The following GSE1 variants were observed in gnomAD, a reference collection of about 807,000 sequenced individuals.
GSE1 encodes the protein Gse1 coiled-coil protein.
GSE1 carries 32 observed loss-of-function variants against 112.6 expected under a neutral mutation model. That is an observed-to-expected ratio of 0.28 (90% CI 0.21 to 0.38). GSE1 has a LOEUF of 0.38. Ranked by LOEUF, GSE1 falls within the 10% of genes least tolerant of loss-of-function variation. GSE1 has a pLI of 1.00. For synonymous variants in GSE1, 1,115 were observed against 735.6 expected (o/e 1.52, Z -8.35); for missense variants, 2,348 against 1,699.2 (o/e 1.38, Z -6.71).
chr16:85,247,842 G>A (rs1308899088), intron 1 of GSE1, among the ~76,000 whole-genome samples: 1 of 152,224 alleles, frequency 6.6e-6, no homozygotes, highest in African/African-American at 2.4e-5. Context: ...CCTGAGCCCC[G>A]TTCTGAACAG....
At chr16:85,365,737 C>G (rs2047172594) in intron 2 of GSE1, among the ~76,000 whole-genome samples, 2 of 152,224 alleles carry the variant, frequency 1.3e-5, no homozygotes, top group South Asian at 4.1e-4. Context: ...ACAGCGACTT[C>G]ATTTCCACTC....
chr16:85,382,919 TGCACACACGC>T (rs965085037), intron 2 of GSE1, among the ~76,000 whole-genome samples: 2 of 149,172 alleles, frequency 1.3e-5, no homozygotes, highest in Admixed American at 6.7e-5. Context: ...CACACATACA[TGCACACACGC>T]GCACACAACA....
chr16:85,170,215 G>T (rs933990820), exon 1 of GSE1: 24 of 985,294 alleles, frequency 2.4e-5, no homozygotes, highest in Non-Finnish European at 2.9e-5. Context: ...CTCGGCGCAG[G>T]GGCGCGCGGA....
chr16:85,650,905 G>A (rs942847669), intron 3 of GSE1, among the ~76,000 whole-genome samples: 29 of 151,950 alleles, frequency 1.9e-4, no homozygotes, highest in African/African-American at 7.0e-4. Flanking sequence ...CTCTCTCCCA[G>A]GTGTAGTGGG....
upstream of GSE1, among the ~76,000 whole-genome samples, chr16:85,553,541 C>A (rs2045042458): frequency 6.6e-6 from 1 of 151,962 alleles, no homozygotes; most frequent in Admixed American, 6.6e-5. Context: ...GGAGGGGGCG[C>A]CAGGCGGGGC....
chr16:85,645,863 T>C (rs182217027), intron 2 of GSE1, among the ~76,000 whole-genome samples: 7 of 151,496 alleles, frequency 4.6e-5, no homozygotes, highest in African/African-American at 1.5e-4. Flanking sequence ...TCTACCTGCT[T>C]CTACCATGCT....
At chr16:85,329,406 C>A (rs1460508180) in intron 1 of GSE1, among the ~76,000 whole-genome samples, 2 of 152,054 alleles carry the variant, frequency 1.3e-5, no homozygotes, top group Non-Finnish European at 2.9e-5. Context: ...TTCGGCTAAG[C>A]CTGGAACAGC....
chr16:85,613,429 GT>G, intron 1 of GSE1, 31 bp downstream of exon 1: 1 of 1,540,104 alleles, frequency 6.5e-7, no homozygotes, highest in Non-Finnish European at 8.8e-7. Context: ...CGGGGACGGG[GT>G]CCTCCCCCCT....
At chr16:85,255,199 C>A (rs1181314052) in intron 1 of GSE1, among the ~76,000 whole-genome samples, 2 of 152,184 alleles carry the variant, frequency 1.3e-5, no homozygotes, top group Non-Finnish European at 2.9e-5. Flanking sequence ...ACCCCACCCG[C>A]TCCCCAGCCC....
At chr16:85,268,251 G>A (rs1003273801) in intron 1 of GSE1, among the ~76,000 whole-genome samples, 2 of 114,192 alleles carry the variant, frequency 1.8e-5, no homozygotes, top group African/African-American at 7.4e-5. Flanking sequence ...GGGTTCTATA[G>A]GCCGCTGGTG....
intron 2 of GSE1, among the ~76,000 whole-genome samples, chr16:85,440,117 A>G (rs2049341914): frequency 1.3e-5 from 2 of 152,246 alleles, no homozygotes; most frequent in Non-Finnish European, 2.9e-5. Flanking sequence ...AGTGCCAAGC[A>G]TGGGGCTGGG....
intron 1 of GSE1, among the ~76,000 whole-genome samples, chr16:85,260,002 G>C (rs1907503710): frequency 6.6e-6 from 1 of 152,244 alleles, no homozygotes. Flanking sequence ...GCAAGGCTCA[G>C]GGCTCCATCT....
chr16:85,612,241 G>GGGGGC (rs537679893), upstream of GSE1, among the ~76,000 whole-genome samples: 74 of 151,454 alleles, frequency 4.9e-4, no homozygotes, highest in South Asian at 1.0e-3. Flanking sequence ...GCGATGGGGT[G>GGGGGC]GGGGCGGGGC....
chr16:85,622,452 C>G (rs571417527), intron 1 of GSE1, among the ~76,000 whole-genome samples: 1 of 152,298 alleles, frequency 6.6e-6, no homozygotes, highest in Non-Finnish European at 1.5e-5. Flanking sequence ...TGGGTTGCCA[C>G]TTAGGGAACT....
chr16:85,630,398 A>G (rs2049442450), intron 1 of GSE1, among the ~76,000 whole-genome samples: 1 of 152,222 alleles, frequency 6.6e-6, no homozygotes, highest in Admixed American at 6.5e-5. Context: ...AGGCTAGAGT[A>G]TAGCGGTGTG....
chr16:85,469,527 C>A (rs114215707), intron 2 of GSE1, among the ~76,000 whole-genome samples: 1 of 152,128 alleles, frequency 6.6e-6, no homozygotes, highest in African/African-American at 2.4e-5. Flanking sequence ...AGTTTGTCGC[C>A]GTTTGTTAAG....
intron 1 of GSE1, among the ~76,000 whole-genome samples, chr16:85,215,505 T>TAA (rs2075293607): frequency 6.6e-6 from 1 of 152,198 alleles, no homozygotes; most frequent in Admixed American, 6.5e-5. Context: ...CACCACTGTA[T>TAA]AACTCATTCA....
chr16:85,364,167 C>T (rs968551594), intron 2 of GSE1, among the ~76,000 whole-genome samples: 8 of 152,204 alleles, frequency 5.3e-5, no homozygotes, highest in African/African-American at 1.7e-4. Context: ...CTGCAGCTTC[C>T]TTGGCTGGAG....
chr16:85,613,362 T>C lies in GSE1; in HGVS notation c.-30T>C. 1 of 1,569,274 alleles carries C rather than the reference T, an allele frequency of 6.4e-7. No homozygotes were observed. The highest frequency in any genetic ancestry group is 2.4e-5 in the East Asian group (1 of 41,970). On this transcript the variant is annotated 5_prime_UTR_variant, in exon 1 of 16. Coordinates refer to ENST00000253458, the MANE Select transcript of GSE1 (RefSeq NM_014615.5). ...TGGGCGACGGTGGCTCCAGCATGTA[T>C]CAGCCGAGGTGGAGCTGCGGGGCCC...
Sources: allele counts gnomAD v4.1 joint callset (sites outside exome capture counted in the v4.1 genomes callset), GRCh38; gene constraint gnomAD v4.1.1; transcripts MANE v1.5; gene names NCBI Gene and HGNC (gene_info 2026-07-23, HGNC 2026-07-21).